The following LYRM1 variants were observed in gnomAD, a reference collection of about 807,000 sequenced individuals.
The protein encoded by LYRM1 is LYR motif containing 1.
In LYRM1, 14 loss-of-function variants were observed where a neutral mutation model predicts 14.9. The observed-to-expected ratio is 0.94, with a 90% confidence interval of 0.62 to 1.47. The LOEUF (loss-of-function observed/expected upper bound fraction) is 1.47, where lower values mean the gene tolerates loss of function less well. Among genes scored for constraint, LYRM1 ranks in the 40% most tolerant of loss-of-function variants. The pLI is 0.00. For synonymous variants in LYRM1, 43 were observed against 56.2 expected, an observed-to-expected ratio of 0.77 and a Z score of 1.05; for missense variants, 153 against 149.9, an observed-to-expected ratio of 1.02 and a Z score of -0.11.
At chr16:20,912,308 C>T (rs1278874408) in intron 1 of LYRM1, among the ~76,000 whole-genome samples, 1 of 151,044 alleles carries the variant, frequency 6.6e-6, no homozygotes, top group Non-Finnish European at 1.5e-5. Context: ...CTCACTCTGT[C>T]ACCCAGGCTA....
intron 3 of LYRM1, 29 bp from the exon 4 acceptor site, chr16:20,923,971 T>C (rs1200155797): frequency 8.1e-7 from 1 of 1,238,716 alleles, no homozygotes; most frequent in Non-Finnish European, 1.2e-6. Context: ...ATGATGAATA[T>C]GATTCTTCAT....
chr16:20,922,073 C>T (rs2083222452), intron 3 of LYRM1: 1 of 151,958 alleles, frequency 6.6e-6, no homozygotes. Context: ...TCACTGCAGC[C>T]TCCTGGGTTC....
chr16:20,915,169 C>G (rs992291399), intron 1 of LYRM1, among the ~76,000 whole-genome samples: 4 of 152,110 alleles, frequency 2.6e-5, no homozygotes, highest in African/African-American at 9.7e-5. Context: ...AATTAAAGGT[C>G]TTAATTAAAA....
rs1254218268 is a variant in LYRM1, at chr16:20,901,184, G to C, written c.-1+295G>C. ...CTTTTGGACCCCCGAATGTAAATGG[G>C]AGATGGTAGGGGCCGGTCCGGGGGC... On this transcript the variant is annotated intron_variant, in intron 1 of 3. Coordinates refer to ENST00000567954, the MANE Select transcript of LYRM1 (RefSeq NM_001128302.3). This position sits in a 1 kb window ranked among gnomAD's most constrained non-coding sequence, Gnocchi z 4.6. 6.6e-6 allele frequency: 1 copy of C among 152,556 alleles called. No individual in the cohort carries two copies. The highest frequency in any genetic ancestry group is 1.5e-5 in the Non-Finnish European group (1 of 68,320). The allele number at this position is 152,556 out of a possible 1,614,324, so 9.5% of individuals were successfully genotyped here.
intron 1 of LYRM1, among the ~76,000 whole-genome samples, chr16:20,905,155 G>C (rs2082259532): frequency 6.6e-6 from 1 of 152,168 alleles, no homozygotes; most frequent in Non-Finnish European, 1.5e-5. Context: ...GCTTAGCATA[G>C]ATAAAAGAGA....
Position 20,915,678 on chromosome 16 carries a change from AAATG to A in LYRM1, c.126_129del (p.Asn42LysfsTer17), listed in dbSNP as rs2082854567. ...CCATCAAAGAAAAACAGTACATACT[AAATG>A]AAGCCAGAACGCTGTTCCGGAAAAA... On this transcript the variant is annotated frameshift_variant, in exon 2 of 4. Coordinates refer to ENST00000567954, the MANE Select transcript of LYRM1 (RefSeq NM_001128302.3). LOFTEE classifies it high-confidence loss of function. The A allele has an allele frequency of 8.7e-6, 14 of 1,614,068 alleles. No individual in the cohort carries two copies. The highest frequency in any genetic ancestry group is 1.1e-5 in the Non-Finnish European group (13 of 1,180,014).
At chr16:20,910,755 C>G (rs1236666454) in intron 1 of LYRM1, among the ~76,000 whole-genome samples, 6 of 151,802 alleles carry the variant, frequency 4.0e-5, no homozygotes, top group Non-Finnish European at 5.9e-5. Flanking sequence ...GCCTGGGTGA[C>G]AGAGCGAGAC....
chr16:20,916,343 T>C (rs1182412019), intron 2 of LYRM1, among the ~76,000 whole-genome samples: 2 of 152,208 alleles, frequency 1.3e-5, no homozygotes, highest in Admixed American at 6.5e-5. Context: ...AGCTGTTAGC[T>C]CCGGGGAAGA....
chr16:20,913,947 G>A (rs559051260), intron 1 of LYRM1, among the ~76,000 whole-genome samples: 14 of 151,780 alleles, frequency 9.2e-5, no homozygotes, highest in East Asian at 3.9e-4. Context: ...TAGCTGGGAC[G>A]ATAGGCACTC....
chr16:20,902,972 A>G (rs995733556), intron 1 of LYRM1, among the ~76,000 whole-genome samples: 2 of 152,170 alleles, frequency 1.3e-5, no homozygotes, highest in African/African-American at 4.8e-5. Flanking sequence ...TCAGTTCCAC[A>G]ATATAGTGTA....
chr16:20,903,281 C>T (rs754465658), intron 1 of LYRM1, among the ~76,000 whole-genome samples: 1 of 152,216 alleles, frequency 6.6e-6, no homozygotes, highest in East Asian at 1.9e-4. Context: ...CCTAGAGGTT[C>T]CTACACAGCA....
chr16:20,915,778 C>A (rs2082863322), intron 2 of LYRM1, 64 bp downstream of exon 2: 1 of 1,539,132 alleles, frequency 6.5e-7, no homozygotes, highest in South Asian at 1.2e-5. Flanking sequence ...TTGTTTATTT[C>A]TTTTCGGTCT....
At chr16:20,915,336 T>G (rs2082822010) in intron 1 of LYRM1, among the ~76,000 whole-genome samples, 1 of 151,828 alleles carries the variant, frequency 6.6e-6, no homozygotes, top group Non-Finnish European at 1.5e-5. Flanking sequence ...GGCGGGCGCC[T>G]GTAGTCCCAG....
rs976171417 is a variant in LYRM1, at chr16:20,900,802, GGCTCT to G, written c.-84_-80del. On this transcript the variant is annotated 5_prime_UTR_variant, in exon 1 of 4. Coordinates refer to ENST00000567954, the MANE Select transcript of LYRM1 (RefSeq NM_001128302.3). Reference sequence around the variant, plus strand: ...GACCAGCCTGTGCTCGGTCGGCCACGGCTCTGCTGGGCTCCTGGCGCCGCCTCCTC... The same window carrying G: ...GACCAGCCTGTGCTCGGTCGGCCACGGCTGGGCTCCTGGCGCCGCCTCCTC... 3.9e-5 allele frequency: 6 copies of G among 152,764 alleles called. No homozygotes were observed. Among genetic ancestry groups the G allele is most frequent in the Admixed American group, 3.3e-4 (5 of 15,312 alleles). The allele number at this position is 152,764 out of a possible 1,614,324, so 9.5% of individuals were successfully genotyped here.
chr16:20,913,946 C>T (rs1035108272), intron 1 of LYRM1, among the ~76,000 whole-genome samples: 27 of 152,066 alleles, frequency 1.8e-4, no homozygotes, highest in Admixed American at 9.8e-4. Flanking sequence ...GTAGCTGGGA[C>T]GATAGGCACT....
chr16:20,920,533 C>A, intron 3 of LYRM1: 1 of 297,914 alleles, frequency 3.4e-6, no homozygotes, highest in Non-Finnish European at 6.3e-6. Flanking sequence ...TTTGTTGTTA[C>A]TAAAAGAATA....
intron 2 of LYRM1, among the ~76,000 whole-genome samples, chr16:20,917,053 TAAAAA>T (rs748728602): frequency 8.1e-6 from 1 of 122,908 alleles, no homozygotes; most frequent in Non-Finnish European, 1.8e-5. Flanking sequence ...CCCTGTCTCT[TAAAAA>T]AAAAAAAAAA....
At position 20,924,243 on chromosome 16, in the gene LYRM1, T is replaced by G. The variant is rs1260049245; in HGVS notation, c.*127T>G. The G allele has an allele frequency of 1.6e-6, 1 of 610,400 alleles. No homozygotes were observed. The highest frequency in any genetic ancestry group is 3.0e-6 in the Non-Finnish European group (1 of 338,932). The allele number at this position is 610,400 out of a possible 1,614,324, so 37.8% of individuals were successfully genotyped here. A position where few individuals can be genotyped will look rare whatever the true frequency, so the allele number is the denominator to read the frequency against. ...TTCTTAAAACCTCCACAATTGATTC[T>G]CCCCCTGTGATGTAAACTTAGATAT... On this transcript the variant is annotated 3_prime_UTR_variant, in exon 4 of 4. Coordinates refer to ENST00000567954, the MANE Select transcript of LYRM1 (RefSeq NM_001128302.3).
intron 1 of LYRM1, among the ~76,000 whole-genome samples, chr16:20,907,555 T>A (rs1403128076): frequency 6.6e-6 from 1 of 151,890 alleles, no homozygotes; most frequent in Non-Finnish European, 1.5e-5. Context: ...GGAGATGGGA[T>A]CTCCCCGTGT....
Sources: gnomAD v4.1 joint callset for allele counts (sites outside exome capture counted in the v4.1 genomes callset) on GRCh38, gnomAD v4.1.1 for gene constraint, Gnocchi (gnomAD v3.1) non-coding constraint, MANE v1.5 for transcripts, NCBI Gene and HGNC (gene_info 2026-07-23, HGNC 2026-07-21) for gene names.